The following ANAPC1 variants were observed in gnomAD, a reference collection of about 807,000 sequenced individuals.
ANAPC1 encodes the protein anaphase promoting complex subunit 1.
Under a neutral mutation model 208.0 loss-of-function variants are expected in ANAPC1, and 36 were observed. The observed-to-expected ratio is 0.17, with a 90% CI of 0.13 to 0.23. The LOEUF is 0.23. Among genes scored for constraint, ANAPC1 ranks in the 10% least tolerant of loss-of-function variants. ANAPC1 has a pLI of 1.00. For missense variants in ANAPC1, 942 were observed against 2,011.6 expected, an observed-to-expected ratio of 0.47 and a Z score of 10.17; for synonymous variants, 378 against 695.2, an observed-to-expected ratio of 0.54 and a Z score of 7.18.
In ANAPC1 at chr2:111,794,643, G is replaced by C. The variant is rs151069908; in HGVS notation, c.4373+175C>G. ...CCAATATTGCTTTTTGAGGGCAAGAGCTCTATACTTCAGAGAGCTTTAACC... is the reference window on the plus strand; with the variant it reads ...CCAATATTGCTTTTTGAGGGCAAGACCTCTATACTTCAGAGAGCTTTAACC... On this transcript the variant is annotated intron_variant, in intron 35 of 47. Coordinates refer to ENST00000341068, the MANE Select transcript of ANAPC1 (RefSeq NM_022662.4). Among the ~76,000 whole-genome samples, 402 of 152,282 alleles carry C rather than the reference G, an allele frequency of 2.6e-3. 2 individuals are homozygous for C. In the East Asian group the frequency reaches 0.039, roughly 15 times the overall value.
At chr2:111,880,958 C>T in intron 1 of ANAPC1, 109 bp from the exon 2 acceptor site, 1 of 996,982 alleles carries the variant, frequency 1.0e-6, no homozygotes, top group Non-Finnish European at 1.5e-6. Context: ...GTAATTATAT[C>T]AGACTGGTAA....
intron 45 of ANAPC1, among the ~76,000 whole-genome samples, chr2:111,777,810 T>G (rs1203329017): frequency 6.6e-6 from 1 of 152,262 alleles, no homozygotes; most frequent in African/African-American, 2.4e-5. Context: ...AATATATTTT[T>G]CCATTCAGCT....
At chr2:111,846,316 G>T (rs1282058322) in intron 16 of ANAPC1, among the ~76,000 whole-genome samples, 1 of 151,450 alleles carries the variant, frequency 6.6e-6, no homozygotes, top group Non-Finnish European at 1.5e-5. Context: ...AGATAATTCT[G>T]ATTGTATTTT....
At chr2:111,881,823 A>T (rs1277669856) in intron 1 of ANAPC1, among the ~76,000 whole-genome samples, 1 of 152,236 alleles carries the variant, frequency 6.6e-6, no homozygotes, top group Non-Finnish European at 1.5e-5. Flanking sequence ...AATGTGGTTT[A>T]TCTCTCTGTC....
chr2:111,787,568 G>T (rs1231205608), intron 39 of ANAPC1, among the ~76,000 whole-genome samples: 1 of 152,182 alleles, frequency 6.6e-6, no homozygotes, highest in Non-Finnish European at 1.5e-5. Flanking sequence ...TGAGCACAGG[G>T]CTCAGGTGTC....
intron 17 of ANAPC1, among the ~76,000 whole-genome samples, chr2:111,841,421 T>TAGAG (rs61366630): frequency 0.46 from 42,866 of 92,766 alleles, 11,688 homozygotes; most frequent in Middle Eastern, 0.6. Context: ...TGTAATTCTA[T>TAGAG]AGAGACAGGA....
rs745761978 is a variant in ANAPC1, at chr2:111,880,858, A to C, written c.-24-9T>G. ...AAATATCAACATTATTTCTGTATGA[A>C]TTCAAACACATTCTGGTCAGCTTCC... On this transcript the variant is annotated splice_polypyrimidine_tract_variant and intron_variant, in intron 1 of 47. Transcript: ENST00000341068. 6.7e-5 allele frequency: 108 copies of C among 1,603,134 alleles called. No homozygotes were observed. The highest frequency in any genetic ancestry group is 3.5e-4 in the Middle Eastern group (2 of 5,788).
intron 38 of ANAPC1, among the ~76,000 whole-genome samples, chr2:111,790,649 G>C (rs1677826007): frequency 6.6e-6 from 1 of 151,528 alleles, no homozygotes; most frequent in Non-Finnish European, 1.5e-5. Flanking sequence ...CTTTTCTCTG[G>C]GTAAGAAAAT....
chr2:111,856,034 GACC>G (rs1191066753), intron 13 of ANAPC1, among the ~76,000 whole-genome samples: 1 of 152,142 alleles, frequency 6.6e-6, no homozygotes, highest in African/African-American at 2.4e-5. Flanking sequence ...AGGAGATCGA[GACC>G]ACCCTGGCTA....
Position 111,833,511 on chromosome 2 carries a change from T to C in ANAPC1, c.2385-200A>G, listed in dbSNP as rs192149676. On this transcript the variant is annotated intron_variant, in intron 19 of 47. Coordinates refer to ENST00000341068, the MANE Select transcript of ANAPC1 (RefSeq NM_022662.4). The stretch of plus-strand genomic sequence containing the variant: ...GAACCCAATCTCTTTTTGCTAAATT[T>C]TGTGGAAGTAAAACTACAGTAAAAG... 2.2e-3 allele frequency among the ~76,000 whole-genome samples: 332 copies of C among 152,128 alleles called. 1 individual carries two copies. The highest frequency in any genetic ancestry group is 7.8e-3 in the African/African-American group (323 of 41,490).
chr2:111,870,311 T>A (rs978884023), intron 6 of ANAPC1, among the ~76,000 whole-genome samples: 4 of 152,236 alleles, frequency 2.6e-5, no homozygotes, highest in Non-Finnish European at 5.9e-5. Flanking sequence ...TCCATAGATG[T>A]CATACTAATT....
rs1679808398 is a variant in ANAPC1 at position 111,825,913 on chromosome 2, G to A, written c.2626-58C>T. ...CTTTTCAGAGACAGCATCTCACTTT[G>A]TCACCCAGGCTGGAGTGCAGTGACA... On this transcript the variant is annotated intron_variant, in intron 21 of 47. Coordinates refer to ENST00000341068, the MANE Select transcript of ANAPC1 (RefSeq NM_022662.4). 3.2e-6 allele frequency: 5 copies of A among 1,554,546 alleles called. No individual in the cohort carries two copies. In the South Asian group the frequency reaches 5.8e-5, roughly 18 times the overall value.
intron 3 of ANAPC1, among the ~76,000 whole-genome samples, chr2:111,877,391 A>T (rs1683076345): frequency 1.3e-5 from 2 of 152,198 alleles, no homozygotes; most frequent in South Asian, 4.1e-4. Flanking sequence ...AGAAACCAGA[A>T]TGTAGACTAT....
chr2:111,869,185 G>C (rs1315298190), intron 6 of ANAPC1, among the ~76,000 whole-genome samples: 1 of 152,184 alleles, frequency 6.6e-6, no homozygotes, highest in African/African-American at 2.4e-5. Flanking sequence ...AGCTAAGAAA[G>C]CTCTAATGAT....
chr2:111,865,866 C>T (rs1390439481), intron 7 of ANAPC1: 3 of 230,224 alleles, frequency 1.3e-5, no homozygotes, highest in African/African-American at 4.6e-5. Context: ...CTATTCGTTG[C>T]ACAAACTGTG....
intron 7 of ANAPC1, among the ~76,000 whole-genome samples, chr2:111,865,580 T>C (rs1205070383): frequency 3.3e-5 from 5 of 152,212 alleles, no homozygotes; most frequent in Non-Finnish European, 4.4e-5. Flanking sequence ...ATAAAAATCA[T>C]GCCACCATCT....
At chr2:111,865,064 G>A (rs1386075219) in intron 7 of ANAPC1, 113 bp from the exon 8 acceptor site, 21 of 1,060,266 alleles carry the variant, frequency 2.0e-5, no homozygotes, top group Non-Finnish European at 2.8e-5. Context: ...GCCAAAGAGA[G>A]CACAAAATTT....
intron 38 of ANAPC1, among the ~76,000 whole-genome samples, chr2:111,791,185 A>G (rs1452909289): frequency 1.3e-5 from 2 of 151,454 alleles, no homozygotes; most frequent in East Asian, 3.9e-4. Flanking sequence ...ACTCAAGAAC[A>G]TTATTCAGAA....
Position 111,794,084 on chromosome 2 carries a change from A to C in ANAPC1, c.4512T>G (p.Ala1504=). The C allele has an allele frequency of 7.2e-7, 1 of 1,396,350 alleles. No homozygotes were observed. The highest frequency in any genetic ancestry group is 1.3e-5 in the South Asian group (1 of 75,234). 86.5% of individuals were successfully genotyped at this position (1,396,350 alleles called of 1,614,324 possible). A position where few individuals can be genotyped will look rare whatever the true frequency, so the allele number is the denominator to read the frequency against. ...GAATGATAAAAAGACTTACAACAGA[A>C]GCATTAGGTGCGGACAAATAAGTCA... The part of the protein sequence containing the change: ...DFMTYLSAPN[A]SVTGPHNLET... Residue 1504 remains alanine, a synonymous_variant, in exon 37 of 48, where the codon GCT becomes GCG. Coordinates refer to ENST00000341068, the MANE Select transcript of ANAPC1 (RefSeq NM_022662.4).
Sources: allele counts gnomAD v4.1 joint callset (sites outside exome capture counted in the v4.1 genomes callset), GRCh38; gene constraint gnomAD v4.1.1; transcripts MANE v1.5; gene names NCBI Gene and HGNC (gene_info 2026-07-23, HGNC 2026-07-21).